Variants in FOXC1 observed in about 807,000 individuals in gnomAD.
The protein encoded by FOXC1 is forkhead box C1.
Under a neutral mutation model 8.1 loss-of-function variants are expected in FOXC1, and 5 were observed. The observed-to-expected ratio is 0.62, with a 90% CI of 0.32 to 1.30. The LOEUF is 1.30. Among genes scored for constraint, FOXC1 ranks in the 50% most tolerant of loss-of-function variants. The pLI, the probability that FOXC1 is intolerant of heterozygous loss-of-function variation, is 0.05. For missense variants in FOXC1, 942 were observed against 858.0 expected (o/e 1.10, Z -1.22); for synonymous variants, 552 against 417.2 (o/e 1.32, Z -3.94).
At position 1,611,642 on chromosome 6, in the gene FOXC1, C is replaced by A; in HGVS notation, c.1197C>A (p.Ala399=). 7.4e-7 allele frequency: 1 copy of A among 1,358,694 alleles called. No homozygotes were observed. Among genetic ancestry groups the A allele is most frequent in the South Asian group, 1.7e-5 (1 of 58,200 alleles). 84.2% of individuals were successfully genotyped at this position (1,358,694 alleles called of 1,614,324 possible). The change falls in exon 1 of 1, where the codon GCC becomes GCA. Residue 399 remains alanine (A), a synonymous_variant. Transcript: ENST00000645831. This position sits in a 1 kb window ranked among gnomAD's most constrained non-coding sequence, Gnocchi z 7.1. ...GAGTYHCNLQ[A]MSLYAAGERG... The stretch of plus-strand genomic sequence containing the variant: ...GGACCTACCACTGCAACCTGCAAGC[C>A]ATGAGCCTGTACGCGGCCGGCGAGC...
rs957574255 is a variant in FOXC1 at position 1,611,522 on chromosome 6, C to A, written c.1077C>A (p.Ser359=). The change falls in exon 1 of 1, where the codon TCC becomes TCA. Residue 359 remains serine (S), a synonymous_variant. Transcript: ENST00000645831. This position sits in a 1 kb window ranked among gnomAD's most constrained non-coding sequence, Gnocchi z 7.1. ...ALGAYSPGQS[S]LYSSPCSQTS... ...GCGCCTACTCGCCCGGCCAGAGCTC[C>A]CTCTACAGCTCCCCCTGCAGCCAGA... 1.5e-6 allele frequency: 2 copies of A among 1,334,744 alleles called. No homozygotes were observed. Among genetic ancestry groups the A allele is most frequent in the Middle Eastern group, 2.8e-4 (1 of 3,590 alleles). 82.7% of individuals were successfully genotyped at this position (1,334,744 alleles called of 1,614,324 possible).
Position 1,610,942 on chromosome 6 carries a change from G to C in FOXC1, c.497G>C (p.Ser166Thr). The C allele has an allele frequency of 6.2e-7, 1 of 1,613,710 alleles. No individual in the cohort carries two copies. Among genetic ancestry groups the C allele is most frequent in the Non-Finnish European group, 8.5e-7 (1 of 1,179,936 alleles). ...PDSYNMFENG[S>T]FLRRRRRFKK... ...TCCTACAACATGTTCGAGAACGGCA[G>C]CTTCCTGCGGCGGCGGCGGCGCTTC... The change falls in exon 1 of 1, where the codon AGC (serine) becomes ACC (threonine). Residue 166 changes from serine (S) to threonine (T), a missense_variant. Physicochemically the swap from Ser to Thr is moderately conservative, Grantham distance 58 (BLOSUM62 1). Around this residue, in one of 4 missense-constraint regions of FOXC1, gnomAD observed 26 missense variants for 65.5 expected, o/e 0.40. Transcript: ENST00000645831.
chr6:1,611,479 C>T lies in FOXC1; in HGVS notation c.1034C>T (p.Ala345Val), dbSNP rs1401087511. The T allele has an allele frequency of 7.2e-7, 1 of 1,382,744 alleles. No homozygotes were observed. The allele number at this position is 1,382,744 out of a possible 1,614,324, so 85.7% of individuals were successfully genotyped here. Residue 345 changes from alanine to valine, a missense_variant, in exon 1 of 1, where the codon GCA becomes GTA. Coordinates refer to ENST00000645831, the MANE Select transcript of FOXC1 (RefSeq NM_001453.3). This position sits in a 1 kb window ranked among gnomAD's most constrained non-coding sequence, Gnocchi z 7.1. ...GCCGCGTCCTCGCGCGCGGGGATCG[C>T]ACCCCCGCTGGCGCTCGGCGCCTAC... ...SAAASSRAGI[A>V]PPLALGAYSP...
chr6:1,611,407 C>G lies in FOXC1; in HGVS notation c.962C>G (p.Pro321Arg). 6.9e-7 allele frequency: 1 copy of G among 1,449,812 alleles called. No individual in the cohort carries two copies. The highest frequency in any genetic ancestry group is 9.1e-7 in the Non-Finnish European group (1 of 1,103,266). The allele number at this position is 1,449,812 out of a possible 1,614,324, so 89.8% of individuals were successfully genotyped here. A position where few individuals can be genotyped will look rare whatever the true frequency, so the allele number is the denominator to read the frequency against. ...ATCATGACGTCGCTGCGGGGGTCGCCGCAGAGCGCGGCCGCGGAGCTCAGC... is the reference window on the plus strand; with the variant it reads ...ATCATGACGTCGCTGCGGGGGTCGCGGCAGAGCGCGGCCGCGGAGCTCAGC... The part of the protein sequence containing the change: ...DNIMTSLRGS[P>R]QSAAAELSSG... Residue 321 changes from proline to arginine, a missense_variant, in exon 1 of 1, where the codon CCG (proline) becomes CGG (arginine). Coordinates refer to ENST00000645831, the MANE Select transcript of FOXC1 (RefSeq NM_001453.3). This position sits in a 1 kb window ranked among gnomAD's most constrained non-coding sequence, Gnocchi z 7.1.
In FOXC1 at chr6:1,611,423, G is replaced by A; in HGVS notation, c.978G>A (p.Ala326=). 1.4e-6 allele frequency: 2 copies of A among 1,442,124 alleles called. No homozygotes were observed. Among genetic ancestry groups the A allele is most frequent in the South Asian group, 1.3e-5 (1 of 75,744 alleles). The allele number at this position is 1,442,124 out of a possible 1,614,324, so 89.3% of individuals were successfully genotyped here. ...SLRGSPQSAA[A]ELSSGLLASA... is the part of the protein sequence containing the mutation. ...GGGGGTCGCCGCAGAGCGCGGCCGCGGAGCTCAGCTCCGGCCTTCTGGCCT... is the reference window on the plus strand; with the variant it reads ...GGGGGTCGCCGCAGAGCGCGGCCGCAGAGCTCAGCTCCGGCCTTCTGGCCT... The change falls in exon 1 of 1, where the codon GCG becomes GCA. Residue 326 remains alanine, a synonymous_variant. Transcript: ENST00000645831. This position sits in a 1 kb window ranked among gnomAD's most constrained non-coding sequence, Gnocchi z 7.1.
chr6:1,610,823 C>A lies in FOXC1; in HGVS notation c.378C>A (p.Ile126=), dbSNP rs104893958. 16 of 1,614,002 alleles carry A rather than the reference C, an allele frequency of 9.9e-6. No individual in the cohort carries two copies. In the East Asian group the frequency reaches 1.1e-4, roughly 11 times the overall value. ...ACAAGCAGGGCTGGCAGAACAGCAT[C>A]CGCCACAACCTCTCGCTCAACGAGT... ...RDNKQGWQNS[I]RHNLSLNECF... Residue 126 remains isoleucine (I), a synonymous_variant, in exon 1 of 1, where the codon ATC becomes ATA. Coordinates refer to ENST00000645831, the MANE Select transcript of FOXC1 (RefSeq NM_001453.3).
chr6:1,612,113 C>A lies in FOXC1; in HGVS notation c.*6C>A. On this transcript the variant is annotated 3_prime_UTR_variant, in exon 1 of 1. Transcript: ENST00000645831. ...ACGACTGTAGCAAGTTTTGACACAC[C>A]CTCAAAGCCGAACTAAATCGAACCC... 1 of 1,613,940 alleles carries A rather than the reference C, an allele frequency of 6.2e-7. No individual in the cohort carries two copies.
At position 1,610,698 on chromosome 6, in the gene FOXC1, G is replaced by T. The variant is rs1421559989; in HGVS notation, c.253G>T (p.Ala85Ser). Residue 85 changes from alanine (A) to serine (S), a missense_variant, in exon 1 of 1, where the codon GCG (alanine) becomes TCG (serine). This residue lies in a region of FOXC1 where 190 missense variants were observed against 176.8 expected (regional missense o/e 1.07). Transcript: ENST00000645831. ...DMVKPPYSYI[A>S]LITMAIQNAP... is the part of the protein sequence containing the mutation. Reference sequence around the variant, plus strand: ...GGTGAAGCCGCCCTATAGCTACATCGCGCTCATCACCATGGCCATCCAGAA... The same window carrying T: ...GGTGAAGCCGCCCTATAGCTACATCTCGCTCATCACCATGGCCATCCAGAA... 1 of 1,613,820 alleles carries T rather than the reference G, an allele frequency of 6.2e-7. No homozygotes were observed. Among genetic ancestry groups the T allele is most frequent in the Non-Finnish European group, 8.5e-7 (1 of 1,179,972 alleles).
rs559728801 is a variant in FOXC1, at chr6:1,611,963, G to A, written c.1518G>A (p.Ser506=). Residue 506 remains serine (S), a synonymous_variant, in exon 1 of 1, where the codon TCG becomes TCA. Transcript: ENST00000645831. This position sits in a 1 kb window ranked among gnomAD's most constrained non-coding sequence, Gnocchi z 7.1. ...CGGGCCAGCAGCAGAACTTCCACTC[G>A]GTGCGGGAGATGTTCGAGTCACAGA... is the stretch of plus-strand genomic sequence containing the variant. The part of the protein sequence containing the change: ...GYPGQQQNFH[S]VREMFESQRI... 128 of 1,605,944 alleles carry A rather than the reference G, an allele frequency of 8.0e-5. No homozygotes were observed. The highest frequency in any genetic ancestry group is 1.0e-4 in the Non-Finnish European group (118 of 1,176,292).
At position 1,611,509 on chromosome 6, in the gene FOXC1, C is replaced by A; in HGVS notation, c.1064C>A (p.Pro355His). 1.5e-6 allele frequency: 2 copies of A among 1,366,848 alleles called. No homozygotes were observed. Among genetic ancestry groups the A allele is most frequent in the African/African-American group, 3.0e-5 (2 of 65,768 alleles). 84.7% of individuals were successfully genotyped at this position (1,366,848 alleles called of 1,614,324 possible). ...APPLALGAYS[P>H]GQSSLYSSPC... ...CCGCTGGCGCTCGGCGCCTACTCGCCCGGCCAGAGCTCCCTCTACAGCTCC... is the reference window on the plus strand; with the variant it reads ...CCGCTGGCGCTCGGCGCCTACTCGCACGGCCAGAGCTCCCTCTACAGCTCC... Residue 355 changes from proline (P) to histidine (H), a missense_variant, in exon 1 of 1, where the codon CCC (proline) becomes CAC (histidine). Pro to His is a moderately conservative substitution (Grantham distance 77). Around this residue, in one of 4 missense-constraint regions of FOXC1, gnomAD observed 726 missense variants for 599.6 expected, o/e 1.21. Transcript: ENST00000645831. This position sits in a 1 kb window ranked among gnomAD's most constrained non-coding sequence, Gnocchi z 7.1.
In FOXC1 at chr6:1,611,316, G is replaced by A. The variant is rs1226942120; in HGVS notation, c.871G>A (p.Ala291Thr). 2 of 1,409,164 alleles carry A rather than the reference G, an allele frequency of 1.4e-6. No individual in the cohort carries two copies. The highest frequency in any genetic ancestry group is 9.3e-7 in the Non-Finnish European group (1 of 1,080,830). The allele number at this position is 1,409,164 out of a possible 1,614,324, so 87.3% of individuals were successfully genotyped here. A position where few individuals can be genotyped will look rare whatever the true frequency, so the allele number is the denominator to read the frequency against. The change falls in exon 1 of 1, where the codon GCG becomes ACG. Residue 291 changes from alanine (A) to threonine (T), a missense_variant. Ala to Thr is a moderately conservative substitution (Grantham distance 58). Around this residue, in one of 4 missense-constraint regions of FOXC1, gnomAD observed 726 missense variants for 599.6 expected, o/e 1.21. Transcript: ENST00000645831. This position sits in a 1 kb window ranked among gnomAD's most constrained non-coding sequence, Gnocchi z 7.1. ...RPLSLDGADSAPPPPAPSAPP... is the reference protein window; with the variant it reads ...RPLSLDGADSTPPPPAPSAPP... The stretch of plus-strand genomic sequence containing the variant: ...GCTCAGCCTGGACGGTGCGGATTCC[G>A]CGCCGCCGCCGCCCGCGCCCTCCGC...
chr6:1,611,891 G>A lies in FOXC1; in HGVS notation c.1446G>A (p.Leu482=), dbSNP rs1762561503. Residue 482 remains leucine (L), a synonymous_variant, in exon 1 of 1, where the codon CTG becomes CTA. Coordinates refer to ENST00000645831, the MANE Select transcript of FOXC1 (RefSeq NM_001453.3). The surrounding 1 kb of genome is among the most constrained non-coding windows in gnomAD (Gnocchi z 7.1). ...SWYLNQAGGD[L]GHLASAAAAA... ...ACCTGAACCAGGCGGGCGGAGACCT[G>A]GGCCACTTGGCGAGCGCGGCGGCGG... The A allele has an allele frequency of 6.5e-7, 1 of 1,540,402 alleles. No homozygotes were observed. Among genetic ancestry groups the A allele is most frequent in the Non-Finnish European group, 8.7e-7 (1 of 1,142,902 alleles).
Position 1,611,407 on chromosome 6 carries a change from CG to C in FOXC1, c.963del (p.Gln322ArgfsTer79). On this transcript the variant is annotated frameshift_variant, in exon 1 of 1. Coordinates refer to ENST00000645831, the MANE Select transcript of FOXC1 (RefSeq NM_001453.3). LOFTEE classifies it low-confidence loss of function (END_TRUNC). This position sits in a 1 kb window ranked among gnomAD's most constrained non-coding sequence, Gnocchi z 7.1. ...DNIMTSLRGSPQSAAAELSSG... is the reference protein window; with the variant it reads ...DNIMTSLRGSXQSAAAELSSG... ...ATCATGACGTCGCTGCGGGGGTCGCCGCAGAGCGCGGCCGCGGAGCTCAGCT... is the reference window on the plus strand; with the variant it reads ...ATCATGACGTCGCTGCGGGGGTCGCCCAGAGCGCGGCCGCGGAGCTCAGCT... 6.9e-7 allele frequency: 1 copy of C among 1,449,812 alleles called. No homozygotes were observed. The highest frequency in any genetic ancestry group is 9.1e-7 in the Non-Finnish European group (1 of 1,103,266). The allele number at this position is 1,449,812 out of a possible 1,614,324, so 89.8% of individuals were successfully genotyped here. A position where few individuals can be genotyped will look rare whatever the true frequency, so the allele number is the denominator to read the frequency against.
Position 1,612,203 on chromosome 6 carries a change from TA to T in FOXC1, c.*104del, listed in dbSNP as rs1232314245. Reference sequence around the variant, plus strand: ...CGAAACTAAAAAAAAAAAATCCAATTAAAAAAAACCCCTGAGAATATTCACC... The same window carrying T: ...CGAAACTAAAAAAAAAAAATCCAATTAAAAAAACCCCTGAGAATATTCACC... On this transcript the variant is annotated 3_prime_UTR_variant, in exon 1 of 1. Coordinates refer to ENST00000645831, the MANE Select transcript of FOXC1 (RefSeq NM_001453.3). 4.5e-6 allele frequency: 7 copies of T among 1,541,130 alleles called. No individual in the cohort carries two copies. The highest frequency in any genetic ancestry group is 2.3e-5 in the East Asian group (1 of 43,990).
rs757767235 is a variant in FOXC1 at position 1,610,742 on chromosome 6, C to G, written c.297C>G (p.Ile99Met). Residue 99 changes from isoleucine to methionine, a missense_variant, in exon 1 of 1, where the codon ATC becomes ATG. Ile to Met is a conservative substitution (Grantham distance 10). This residue lies in a region of FOXC1 where 190 missense variants were observed against 176.8 expected (regional missense o/e 1.07). Transcript: ENST00000645831. Reference sequence around the variant, plus strand: ...TCCAGAACGCCCCGGACAAGAAGATCACCCTGAACGGCATCTACCAGTTCA... The same window carrying G: ...TCCAGAACGCCCCGGACAAGAAGATGACCCTGAACGGCATCTACCAGTTCA... Reference protein sequence around the residue: ...MAIQNAPDKKITLNGIYQFIM... With the variant: ...MAIQNAPDKKMTLNGIYQFIM... 2.4e-5 allele frequency: 38 copies of G among 1,613,888 alleles called. 1 individual carries two copies. The highest frequency in any genetic ancestry group is 3.4e-6 in the Non-Finnish European group (4 of 1,180,000).
rs104893958 is a variant in FOXC1, at chr6:1,610,823, C to T, written c.378C>T (p.Ile126=). The T allele has an allele frequency of 4.3e-6, 7 of 1,614,004 alleles. No individual in the cohort carries two copies. In the African/African-American group the frequency reaches 5.3e-5, roughly 12 times the overall value. ...ACAAGCAGGGCTGGCAGAACAGCAT[C>T]CGCCACAACCTCTCGCTCAACGAGT... ...RDNKQGWQNS[I]RHNLSLNECF... Residue 126 remains isoleucine, a synonymous_variant, in exon 1 of 1, where the codon ATC becomes ATT. Coordinates refer to ENST00000645831, the MANE Select transcript of FOXC1 (RefSeq NM_001453.3).
In FOXC1 at chr6:1,612,204, A is replaced by G. The variant is rs889256919; in HGVS notation, c.*97A>G. The G allele has an allele frequency of 2.6e-6, 4 of 1,549,736 alleles. No individual in the cohort carries two copies. In the African/African-American group the frequency reaches 4.1e-5, roughly 16 times the overall value. On this transcript the variant is annotated 3_prime_UTR_variant, in exon 1 of 1. Transcript: ENST00000645831. Reference sequence around the variant, plus strand: ...GAAACTAAAAAAAAAAAATCCAATTAAAAAAAACCCCTGAGAATATTCACC... The same window carrying G: ...GAAACTAAAAAAAAAAAATCCAATTGAAAAAAACCCCTGAGAATATTCACC...
Position 1,611,207 on chromosome 6 carries a change from GC to G in FOXC1, c.765del (p.Lys256ArgfsTer59). 2 of 1,459,352 alleles carry G rather than the reference GC, an allele frequency of 1.4e-6. No individual in the cohort carries two copies. The highest frequency in any genetic ancestry group is 1.3e-5 in the South Asian group (1 of 78,322). 90.4% of individuals were successfully genotyped at this position (1,459,352 alleles called of 1,614,324 possible). On this transcript the variant is annotated frameshift_variant, in exon 1 of 1. Coordinates refer to ENST00000645831, the MANE Select transcript of FOXC1 (RefSeq NM_001453.3). LOFTEE classifies it low-confidence loss of function (END_TRUNC). This position sits in a 1 kb window ranked among gnomAD's most constrained non-coding sequence, Gnocchi z 7.1. ...ALGSGSAAAV[P>X]KIESPDSSSS... is the part of the protein sequence containing the mutation. Reference sequence around the variant, plus strand: ...TGGGCAGCGGCAGCGCCGCCGCGGTGCCCAAGATCGAGAGCCCCGACAGCAG... The same window carrying G: ...TGGGCAGCGGCAGCGCCGCCGCGGTGCCAAGATCGAGAGCCCCGACAGCAG...
chr6:1,611,238 A>G lies in FOXC1; in HGVS notation c.793A>G (p.Ser265Gly), dbSNP rs1384395424. ...PKIESPDSSS[S>G]SLSSGSSPPG... is the part of the protein sequence containing the mutation. ...GATCGAGAGCCCCGACAGCAGCAGCAGCAGCCTGTCCAGCGGGAGCAGCCC... is the reference window on the plus strand; with the variant it reads ...GATCGAGAGCCCCGACAGCAGCAGCGGCAGCCTGTCCAGCGGGAGCAGCCC... Residue 265 changes from serine to glycine, a missense_variant, in exon 1 of 1, where the codon AGC (serine) becomes GGC (glycine). Ser to Gly is a moderately conservative substitution (Grantham distance 56, BLOSUM62 0). Coordinates refer to ENST00000645831, the MANE Select transcript of FOXC1 (RefSeq NM_001453.3). The surrounding 1 kb of genome is among the most constrained non-coding windows in gnomAD (Gnocchi z 7.1). The G allele has an allele frequency of 5.5e-6, 8 of 1,446,444 alleles. No individual in the cohort carries two copies. Among genetic ancestry groups the G allele is most frequent in the Non-Finnish European group, 6.4e-6 (7 of 1,100,082 alleles). The allele number at this position is 1,446,444 out of a possible 1,614,324, so 89.6% of individuals were successfully genotyped here. A position where few individuals can be genotyped will look rare whatever the true frequency, so the allele number is the denominator to read the frequency against.
Sources: gnomAD v4.1 joint callset for allele counts on GRCh38, gnomAD v4.1.1 for gene constraint, gnomAD v4.1.1 regional missense constraint, Gnocchi (gnomAD v3.1) non-coding constraint, MANE v1.5 for transcripts, NCBI Gene and HGNC (gene_info 2026-07-23, HGNC 2026-07-21) for gene names.